ADGRE1: variants seen among roughly 807,000 people sequenced by gnomAD.
ADGRE1 encodes the protein adhesion G protein-coupled receptor E1.
ADGRE1 carries 82 observed loss-of-function variants against 102.7 expected under a neutral mutation model. The ratio of observed to expected loss-of-function variants is 0.80; its 90% confidence interval spans 0.67 to 0.96. ADGRE1 has a LOEUF of 0.96. Ranked by LOEUF, ADGRE1 falls within the 40% of genes least tolerant of loss-of-function variation. The probability of loss-of-function intolerance (pLI) is 0.00; values close to 1 mark genes in which losing one functional copy is unlikely to be tolerated. For synonymous variants in ADGRE1, 398 were observed against 399.6 expected, an observed-to-expected ratio of 1.00 and a Z score of 0.05; for missense variants, 1,032 against 1,085.3, an observed-to-expected ratio of 0.95 and a Z score of 0.69.
At position 6,913,788 on chromosome 19, in the gene ADGRE1, C is replaced by A. The variant is rs762102098; in HGVS notation, c.1258C>A (p.Pro420Thr). The A allele has an allele frequency of 6.2e-7, 1 of 1,611,560 alleles. No homozygotes were observed. Among genetic ancestry groups the A allele is most frequent in the African/African-American group, 1.3e-5 (1 of 74,996 alleles). ...ESMTLASFWK[P>T]SANITPAVRT... The stretch of plus-strand genomic sequence containing the variant: ...CATGACACTGGCATCTTTTTGGAAA[C>A]CCTCAGCAAATATCACTCCGGCTGT... Residue 420 changes from proline to threonine, a missense_variant, in exon 11 of 21, where the codon CCC becomes ACC. Physicochemically the swap from Pro to Thr is conservative, Grantham distance 38. Transcript: ENST00000312053.
At chr19:6,919,446 GTGT>G in intron 12 of ADGRE1, 99 bp from the exon 13 acceptor site, 1 of 219,916 alleles carries the variant, frequency 4.5e-6, no homozygotes, top group African/African-American at 5.1e-5. Context: ...CTCCCTCTGT[GTGT>G]GTGTGTGTGT....
In ADGRE1 at chr19:6,928,347, C is replaced by T. The variant is rs376217414; in HGVS notation, c.2289+136C>T. 641 of 1,546,474 alleles carry T rather than the reference C, an allele frequency of 4.1e-4. 5 individuals are homozygous for T. In the East Asian group the frequency reaches 0.012, roughly 29 times the overall value. On this transcript the variant is annotated intron_variant, in intron 17 of 20. Transcript: ENST00000312053. ...CCATCAAAAGTTCTCCTTTCCAGGC[C>T]GGGCGTGGTGGCTCACGCCTGTAAT...
intron 10 of ADGRE1, among the ~76,000 whole-genome samples, chr19:6,911,862 TACACAC>T (rs1197445045): frequency 6.7e-6 from 1 of 148,704 alleles, no homozygotes; most frequent in Non-Finnish European, 1.5e-5. Context: ...TTTACACACA[TACACAC>T]ACCCCACACA....
At chr19:6,889,645 C>T (rs1053016991) in intron 1 of ADGRE1, among the ~76,000 whole-genome samples, 5 of 138,378 alleles carry the variant, frequency 3.6e-5, no homozygotes, top group Non-Finnish European at 7.6e-5. Context: ...GCCTAGATCA[C>T]GCTACTGCAC....
Position 6,919,720 on chromosome 19 carries a change from A to G in ADGRE1, c.1593A>G (p.Pro531=), listed in dbSNP as rs774376781. 1 of 1,613,196 alleles carries G rather than the reference A, an allele frequency of 6.2e-7. No homozygotes were observed. The highest frequency in any genetic ancestry group is 1.1e-5 in the South Asian group (1 of 91,036). ...AGAAGAAAGACGGCTTCTCAGATCC[A>G]ATCATCTACACTCTGGAGAACATTC... ...TGEKKDGFSD[P]IIYTLENIQP... The change falls in exon 13 of 21, where the codon CCA becomes CCG. Residue 531 remains proline, a synonymous_variant. Transcript: ENST00000312053.
intron 14 of ADGRE1, among the ~76,000 whole-genome samples, chr19:6,923,243 T>C (rs1007187206): frequency 3.3e-4 from 51 of 152,324 alleles, no homozygotes; most frequent in African/African-American, 1.2e-3. Context: ...TACCACTTTC[T>C]AGCTGTGTTT....
At chr19:6,909,716 T>C (rs1974100138) in intron 10 of ADGRE1, among the ~76,000 whole-genome samples, 1 of 151,986 alleles carries the variant, frequency 6.6e-6, no homozygotes. Flanking sequence ...GTGGTTTTTT[T>C]TGTTTGTTTG....
chr19:6,913,646 C>T lies in ADGRE1; in HGVS notation c.1123-7C>T. Reference sequence around the variant, plus strand: ...GAGAGAATGAACAAACACATCTTTCCTTGCAGAATACAACTGAGAGCTTTG... The same window carrying T: ...GAGAGAATGAACAAACACATCTTTCTTTGCAGAATACAACTGAGAGCTTTG... On this transcript the variant is annotated splice_polypyrimidine_tract_variant and splice_region_variant and intron_variant, in intron 10 of 20. Coordinates refer to ENST00000312053, the MANE Select transcript of ADGRE1 (RefSeq NM_001974.5). The T allele has an allele frequency of 6.4e-7, 1 of 1,568,900 alleles. No individual in the cohort carries two copies. Among genetic ancestry groups the T allele is most frequent in the Non-Finnish European group, 8.7e-7 (1 of 1,153,648 alleles).
intron 9 of ADGRE1, among the ~76,000 whole-genome samples, chr19:6,906,878 A>G (rs1330065585): frequency 1.3e-5 from 2 of 152,138 alleles, no homozygotes; most frequent in Non-Finnish European, 2.9e-5. Flanking sequence ...CTGATTGGGT[A>G]GAAATTAGTC....
chr19:6,917,595 C>A (rs1053927020), intron 12 of ADGRE1, among the ~76,000 whole-genome samples: 3 of 151,936 alleles, frequency 2.0e-5, no homozygotes, highest in Admixed American at 2.0e-4. Context: ...AAAGAATGAG[C>A]CTGGTGTGGT....
chr19:6,896,258 G>A, intron 2 of ADGRE1, 140 bp from the exon 3 acceptor site: 2 of 747,492 alleles, frequency 2.7e-6, no homozygotes, highest in Non-Finnish European at 2.2e-6. Flanking sequence ...CAGGTACCAG[G>A]GTTTAGGACT....
At chr19:6,914,841 G>A (rs764779046) in intron 11 of ADGRE1, among the ~76,000 whole-genome samples, 2 of 152,146 alleles carry the variant, frequency 1.3e-5, no homozygotes, top group African/African-American at 2.4e-5. Flanking sequence ...GGGCAGGGAT[G>A]TCAGGGAAGA....
At chr19:6,894,642 T>G (rs1973486416) in intron 2 of ADGRE1, among the ~76,000 whole-genome samples, 1 of 152,122 alleles carries the variant, frequency 6.6e-6, no homozygotes, top group Non-Finnish European at 1.5e-5. Context: ...TGTTGAGTAA[T>G]TTGAGTTTTA....
chr19:6,892,511 T>C (rs984195299), intron 2 of ADGRE1, among the ~76,000 whole-genome samples: 7 of 152,316 alleles, frequency 4.6e-5, no homozygotes, highest in Middle Eastern at 3.4e-3. Flanking sequence ...ATCTTTCACC[T>C]GGACAAGTGC....
At chr19:6,898,506 T>C in intron 5 of ADGRE1, 1 of 1,562,022 alleles carries the variant, frequency 6.4e-7, no homozygotes, top group South Asian at 1.1e-5. Flanking sequence ...AGTGGATATC[T>C]ATCAGTGGGG....
chr19:6,931,795 C>A (rs375159327), intron 17 of ADGRE1, among the ~76,000 whole-genome samples: 17 of 145,858 alleles, frequency 1.2e-4, no homozygotes, highest in Middle Eastern at 3.2e-3. Flanking sequence ...GAGACTGTCT[C>A]AAAAAAAAGA....
At chr19:6,900,947 A>G (rs1973745014) in intron 5 of ADGRE1, among the ~76,000 whole-genome samples, 1 of 152,304 alleles carries the variant, frequency 6.6e-6, no homozygotes, top group Admixed American at 6.5e-5. Context: ...TTTGGTCTCA[A>G]CTGGTCTTGT....
intron 12 of ADGRE1, 107 bp downstream of exon 12, chr19:6,916,475 G>A: frequency 6.9e-7 from 1 of 1,442,824 alleles, no homozygotes; most frequent in Non-Finnish European, 9.3e-7. Context: ...GAGAACCAAT[G>A]AGGGTAGAAA....
intron 2 of ADGRE1, among the ~76,000 whole-genome samples, chr19:6,894,221 G>T (rs1301217958): frequency 6.6e-6 from 1 of 152,086 alleles, no homozygotes; most frequent in South Asian, 2.1e-4. Flanking sequence ...TCTTGGAAGG[G>T]TCTGTTATTC....
Sources: gnomAD v4.1 joint callset for allele counts (sites outside exome capture counted in the v4.1 genomes callset) on GRCh38, gnomAD v4.1.1 for gene constraint, MANE v1.5 for transcripts, NCBI Gene and HGNC (gene_info 2026-07-23, HGNC 2026-07-21) for gene names.